PDE4D: variants seen among roughly 807,000 people sequenced by gnomAD.
PDE4D encodes 3',5'-cyclic-AMP phosphodiesterase 4D.
PDE4D carries 24 observed loss-of-function variants against 87.4 expected under a neutral mutation model. That is an observed-to-expected ratio of 0.27 (90% CI 0.20 to 0.39). PDE4D has a LOEUF of 0.39. Ranked by LOEUF, PDE4D falls within the 10% of genes least tolerant of loss-of-function variation. The probability of loss-of-function intolerance (pLI) is 1.00; values close to 1 mark genes in which losing one functional copy is unlikely to be tolerated. For missense variants in PDE4D, 714 were observed against 1,041.0 expected (o/e 0.69, Z 4.32); for synonymous variants, 384 against 383.2 (o/e 1.00, Z -0.02).
intron 1 of PDE4D, among the ~76,000 whole-genome samples, chr5:60,195,806 C>T (rs1316045317): frequency 6.6e-6 from 1 of 151,740 alleles, no homozygotes; most frequent in Non-Finnish European, 1.5e-5. Context: ...GCTTCAAAGC[C>T]TGTTCCGAGT....
At chr5:59,224,066 G>A (rs888375290) in intron 1 of PDE4D, among the ~76,000 whole-genome samples, 1 of 142,456 alleles carries the variant, frequency 7.0e-6, no homozygotes, top group African/African-American at 2.7e-5. Context: ...GGAGTGGATT[G>A]CTTGAGCTCA....
At chr5:59,906,239 C>A (rs375305693) in intron 3 of PDE4D, among the ~76,000 whole-genome samples, 1 of 152,230 alleles carries the variant, frequency 6.6e-6, no homozygotes, top group African/African-American at 2.4e-5. Context: ...TTTTACATTT[C>A]TTTAGTTAAA....
chr5:60,045,298 C>G (rs939065541), intron 2 of PDE4D, among the ~76,000 whole-genome samples: 8 of 151,738 alleles, frequency 5.3e-5, no homozygotes, highest in African/African-American at 1.7e-4. Flanking sequence ...AAAATTTTCT[C>G]CCATTTTGTA....
At chr5:60,092,089 A>AAT (rs1387370588) in intron 2 of PDE4D, among the ~76,000 whole-genome samples, 2 of 151,242 alleles carry the variant, frequency 1.3e-5, no homozygotes, top group Non-Finnish European at 2.9e-5. Flanking sequence ...GAAAATGTGA[A>AAT]ATATATACAC....
At chr5:59,509,646 G>A in intron 1 of PDE4D, among the ~76,000 whole-genome samples, 1 of 150,656 alleles carries the variant, frequency 6.6e-6, no homozygotes. Context: ...AATTTTTTAG[G>A]GTTATTATTA....
At chr5:60,300,191 G>A (rs932096067) in intron 1 of PDE4D, among the ~76,000 whole-genome samples, 1 of 152,070 alleles carries the variant, frequency 6.6e-6, no homozygotes, top group Non-Finnish European at 1.5e-5. Flanking sequence ...CTGCATGAAT[G>A]TTTTCTTTTG....
intron 1 of PDE4D, among the ~76,000 whole-genome samples, chr5:60,493,273 T>G (rs905785089): frequency 6.6e-6 from 1 of 152,186 alleles, no homozygotes; most frequent in African/African-American, 2.4e-5. Flanking sequence ...GTCATTAATC[T>G]TCAGTCATGG....
At chr5:59,938,146 T>TAA (rs1756808999) in intron 3 of PDE4D, among the ~76,000 whole-genome samples, 1 of 152,240 alleles carries the variant, frequency 6.6e-6, no homozygotes, top group Non-Finnish European at 1.5e-5. Context: ...TGCTATTAGC[T>TAA]TCTAGGGACA....
At chr5:59,113,915 T>C (rs753450349) in intron 5 of PDE4D, among the ~76,000 whole-genome samples, 1 of 152,182 alleles carries the variant, frequency 6.6e-6, no homozygotes, top group Non-Finnish European at 1.5e-5. Flanking sequence ...TATTGAGATA[T>C]TGAGTGTAAC....
chr5:60,244,504 A>G (rs891317441), intron 1 of PDE4D, among the ~76,000 whole-genome samples: 2 of 152,052 alleles, frequency 1.3e-5, no homozygotes, highest in Non-Finnish European at 2.9e-5. Context: ...TATCCTAATC[A>G]AAAGGAACAA....
At chr5:60,136,173 T>C (rs917238557) in intron 2 of PDE4D, among the ~76,000 whole-genome samples, 1 of 152,212 alleles carries the variant, frequency 6.6e-6, no homozygotes, top group Non-Finnish European at 1.5e-5. Flanking sequence ...TTTGATACAG[T>C]ACTTGCAATT....
At chr5:59,864,470 A>G (rs1746728362) in intron 1 of PDE4D, among the ~76,000 whole-genome samples, 1 of 152,234 alleles carries the variant, frequency 6.6e-6, no homozygotes, top group Non-Finnish European at 1.5e-5. Context: ...CTTCCTAAAA[A>G]TAAACCAGCT....
chr5:59,082,263 G>A (rs553864853), intron 5 of PDE4D, among the ~76,000 whole-genome samples: 45 of 152,096 alleles, frequency 3.0e-4, no homozygotes, highest in African/African-American at 1.0e-3. Context: ...GCTTTTCTTC[G>A]ACATCTATAA....
chr5:60,207,385 C>T lies in PDE4D; in HGVS notation c.-89-21698G>A, dbSNP rs149822505. Among the ~76,000 whole-genome samples the T allele has an allele frequency of 3.7e-4, 57 of 152,298 alleles. 1 individual carries two copies. The East Asian group carries it at 0.01, about 27-fold the overall frequency. On this transcript the variant is annotated intron_variant, in intron 1 of 16. Transcript: ENST00000502484. Reference sequence around the variant, plus strand: ...GTAGGAAACCAATGCAGACTCTTAGCAGGAGAATGGCATGGCAGGGCCCTA... The same window carrying T: ...GTAGGAAACCAATGCAGACTCTTAGTAGGAGAATGGCATGGCAGGGCCCTA...
intron 1 of PDE4D, among the ~76,000 whole-genome samples, chr5:59,868,170 A>G (rs1317495889): frequency 1.3e-5 from 2 of 152,142 alleles, no homozygotes; most frequent in Non-Finnish European, 2.9e-5. Context: ...ATTATTGAAG[A>G]CTCACAGATT....
chr5:59,006,545 G>A (rs1191931078), intron 6 of PDE4D, among the ~76,000 whole-genome samples: 6 of 151,932 alleles, frequency 3.9e-5, no homozygotes, highest in African/African-American at 1.2e-4. Context: ...TTGCACCACT[G>A]TACTCCAGCC....
At chr5:60,295,430 A>G (rs1381166519) in intron 1 of PDE4D, among the ~76,000 whole-genome samples, 1 of 152,194 alleles carries the variant, frequency 6.6e-6, no homozygotes, top group African/African-American at 2.4e-5. Context: ...TCCCAATCTT[A>G]TGGGAAAAGC....
chr5:59,283,685 A>G (rs2153549606), intron 1 of PDE4D, among the ~76,000 whole-genome samples: 1 of 152,270 alleles, frequency 6.6e-6, no homozygotes, highest in South Asian at 2.1e-4. Flanking sequence ...CCTGCTAAGT[A>G]TATTTCCTAC....
chr5:60,338,351 C>T (rs930917998), intron 1 of PDE4D, among the ~76,000 whole-genome samples: 1 of 152,216 alleles, frequency 6.6e-6, no homozygotes, highest in South Asian at 2.1e-4. Flanking sequence ...AGAATCACGA[C>T]CACTATCCTG....
Sources: allele counts gnomAD v4.1 joint callset (sites outside exome capture counted in the v4.1 genomes callset), GRCh38; gene constraint gnomAD v4.1.1; transcripts MANE v1.5; gene names NCBI Gene and HGNC (gene_info 2026-07-23, HGNC 2026-07-21).